The following RALGAPA2 variants were observed in gnomAD, a reference collection of about 807,000 sequenced individuals.
RALGAPA2 encodes ral GTPase-activating protein subunit alpha-2.
Under a neutral mutation model 230.4 loss-of-function variants are expected in RALGAPA2, and 139 were observed. The ratio of observed to expected loss-of-function variants is 0.60; its 90% CI spans 0.53 to 0.69. RALGAPA2 has a LOEUF of 0.69. Among genes scored for constraint, RALGAPA2 ranks in the 30% least tolerant of loss-of-function variants. RALGAPA2 has a pLI of 0.00. For missense variants in RALGAPA2, 2,163 were observed against 2,276.0 expected (o/e 0.95, Z 1.01); for synonymous variants, 847 against 837.8 (o/e 1.01, Z -0.19).
chr20:20,440,541 G>C (rs1428543777), intron 37 of RALGAPA2, among the ~76,000 whole-genome samples: 1 of 152,132 alleles, frequency 6.6e-6, no homozygotes, highest in Non-Finnish European at 1.5e-5. Flanking sequence ...AGACAGCATC[G>C]GAGCTTTGTC....
intron 37 of RALGAPA2, among the ~76,000 whole-genome samples, chr20:20,417,093 G>A (rs1319454492): frequency 2.0e-5 from 3 of 152,206 alleles, no homozygotes; most frequent in Non-Finnish European, 2.9e-5. Flanking sequence ...AGAACCACCT[G>A]GGACGCTTCA....
intron 33 of RALGAPA2, among the ~76,000 whole-genome samples, chr20:20,510,309 T>C (rs1413359744): frequency 6.6e-6 from 1 of 152,226 alleles, no homozygotes; most frequent in East Asian, 1.9e-4. Flanking sequence ...TGTTATTTCC[T>C]TTCTTCCTTC....
At chr20:20,506,819 GAACT>G (rs1422520811) in intron 33 of RALGAPA2, among the ~76,000 whole-genome samples, 13 of 152,038 alleles carry the variant, frequency 8.6e-5, no homozygotes, top group Non-Finnish European at 7.4e-5. Context: ...TTAATAATCA[GAACT>G]AACTGATTCT....
At position 20,571,951 on chromosome 20, in the gene RALGAPA2, T is replaced by C. The variant is rs373987929; in HGVS notation, c.2902-5A>G. 3 of 1,589,372 alleles carry C rather than the reference T, an allele frequency of 1.9e-6. No homozygotes were observed. The Admixed American group carries it at 5.1e-5, about 27-fold the overall frequency. ...TATTGCTAGATTATCCCGTATCTAA[T>C]TCACAAAGAGGAGAATTTTAGGGTA... On this transcript the variant is annotated splice_region_variant and splice_polypyrimidine_tract_variant and intron_variant, in intron 21 of 39. Coordinates refer to ENST00000202677, the MANE Select transcript of RALGAPA2 (RefSeq NM_020343.4).
chr20:20,619,345 T>C lies in RALGAPA2; in HGVS notation c.1471A>G (p.Met491Val), dbSNP rs768424075. 12 of 1,612,328 alleles carry C rather than the reference T, an allele frequency of 7.4e-6. No homozygotes were observed. The highest frequency in any genetic ancestry group is 8.5e-6 in the Non-Finnish European group (10 of 1,178,862). ...TCCTCTGTCACACACCCTCTGCTCA[T>C]TGCACTTGTGAAGGAGTATGTGCGT... is the stretch of plus-strand genomic sequence containing the variant. ...WGRTYSFTSAMSRGCVTEEEN... is the reference protein window; with the variant it reads ...WGRTYSFTSAVSRGCVTEEEN... The change falls in exon 12 of 40, where the codon ATG (methionine) becomes GTG (valine). Residue 491 changes from methionine (M) to valine (V), a missense_variant. Met to Val is a conservative substitution (Grantham distance 21). Coordinates refer to ENST00000202677, the MANE Select transcript of RALGAPA2 (RefSeq NM_020343.4).
At position 20,628,709 on chromosome 20, in the gene RALGAPA2, G is replaced by A. The variant is rs1333334362; in HGVS notation, c.1233+654C>T. Among the ~76,000 whole-genome samples the A allele has an allele frequency of 2.0e-5, 3 of 152,138 alleles. No individual in the cohort carries two copies. The East Asian group carries it at 5.8e-4, about 29-fold the overall frequency. ...ATGACCAAAACTGTTTCCAGACATT[G>A]CTAATGTCCCCTAGGGAGTAGCATC... On this transcript the variant is annotated intron_variant, in intron 10 of 39. Transcript: ENST00000202677.
At chr20:20,536,479 G>A (rs1002582348) in intron 25 of RALGAPA2, among the ~76,000 whole-genome samples, 177 bp downstream of exon 25, 3 of 152,152 alleles carry the variant, frequency 2.0e-5, no homozygotes, top group African/African-American at 7.2e-5. Context: ...AATATACTCT[G>A]AATTTAACAC....
At chr20:20,455,440 C>A (rs1280354611) in intron 37 of RALGAPA2, among the ~76,000 whole-genome samples, 1 of 152,196 alleles carries the variant, frequency 6.6e-6, no homozygotes, top group African/African-American at 2.4e-5. Flanking sequence ...ATGTCATCAC[C>A]ACCTCCTCGC....
At chr20:20,522,949 A>C (rs1471698280) in intron 30 of RALGAPA2, among the ~76,000 whole-genome samples, 1 of 152,238 alleles carries the variant, frequency 6.6e-6, no homozygotes, top group East Asian at 1.9e-4. Flanking sequence ...AATGAATCCT[A>C]ATATAGTTAT....
chr20:20,629,735 G>A (rs911008932), intron 9 of RALGAPA2, 145 bp from the exon 10 acceptor site: 17 of 732,884 alleles, frequency 2.3e-5, no homozygotes, highest in Admixed American at 2.5e-5. Flanking sequence ...CTTGAAGCAC[G>A]ATAGGCTCCA....
intron 24 of RALGAPA2, among the ~76,000 whole-genome samples, chr20:20,543,985 G>C (rs1441409332): frequency 6.6e-6 from 1 of 151,486 alleles, no homozygotes; most frequent in Admixed American, 6.6e-5. Flanking sequence ...GTGGGTGAAG[G>C]TTATAAACAG....
intron 3 of RALGAPA2, among the ~76,000 whole-genome samples, chr20:20,675,073 A>G (rs1000342675): frequency 6.6e-6 from 1 of 152,258 alleles, no homozygotes; most frequent in African/African-American, 2.4e-5. Flanking sequence ...TGGTCAGTAG[A>G]TACATATTTA....
chr20:20,459,134 G>A (rs2061241593), intron 37 of RALGAPA2, among the ~76,000 whole-genome samples: 1 of 151,540 alleles, frequency 6.6e-6, no homozygotes. Flanking sequence ...TGGACCCCTT[G>A]GAATCACTGA....
chr20:20,565,532 T>C (rs745665977), intron 23 of RALGAPA2, among the ~76,000 whole-genome samples: 20 of 152,202 alleles, frequency 1.3e-4, no homozygotes, highest in Non-Finnish European at 2.6e-4. Context: ...ATTATATTAT[T>C]CCATCATATA....
At chr20:20,581,654 T>C in intron 20 of RALGAPA2, among the ~76,000 whole-genome samples, 1 of 152,216 alleles carries the variant, frequency 6.6e-6, no homozygotes, top group East Asian at 1.9e-4. Flanking sequence ...TTGAATCTCA[T>C]ATCAATGTAT....
chr20:20,588,028 G>T (rs1220864880), intron 18 of RALGAPA2, among the ~76,000 whole-genome samples: 1 of 152,080 alleles, frequency 6.6e-6, no homozygotes, highest in East Asian at 1.9e-4. Context: ...CACAATGCTG[G>T]CAAAAATATG....
chr20:20,501,352 G>T (rs1046153957), intron 35 of RALGAPA2, among the ~76,000 whole-genome samples: 4 of 152,242 alleles, frequency 2.6e-5, no homozygotes, highest in Non-Finnish European at 4.4e-5. Flanking sequence ...CAGATAAGCT[G>T]CAGCTTCTGC....
At chr20:20,615,821 A>G (rs1162558676) in intron 13 of RALGAPA2, among the ~76,000 whole-genome samples, 2 of 152,210 alleles carry the variant, frequency 1.3e-5, no homozygotes, top group East Asian at 3.8e-4. Flanking sequence ...ATTAAGTAAA[A>G]TACTTATTGT....
intron 7 of RALGAPA2, 74 bp from the exon 8 acceptor site, chr20:20,637,575 T>C: frequency 7.8e-7 from 1 of 1,289,684 alleles, no homozygotes; most frequent in Non-Finnish European, 1.0e-6. Flanking sequence ...TGAAGTGTTG[T>C]TATGTTACTA....
Sources: allele counts gnomAD v4.1 joint callset (sites outside exome capture counted in the v4.1 genomes callset), GRCh38; gene constraint gnomAD v4.1.1; transcripts MANE v1.5; gene names NCBI Gene and HGNC (gene_info 2026-07-23, HGNC 2026-07-21).